The following WDHD1 variants were observed in gnomAD, a reference collection of about 807,000 sequenced individuals.
WDHD1 encodes WD repeat and HMG-box DNA-binding protein 1.
In WDHD1, 111 loss-of-function variants were observed where a neutral mutation model predicts 135.4. That is an observed-to-expected ratio of 0.82 (90% CI 0.70 to 0.96). The LOEUF is 0.96. Among genes scored for constraint, WDHD1 ranks in the 40% least tolerant of loss-of-function variants. WDHD1 has a pLI of 0.00. For missense variants in WDHD1, 1,351 were observed against 1,336.3 expected (o/e 1.01, Z -0.17); for synonymous variants, 434 against 439.0 (o/e 0.99, Z 0.14).
intron 7 of WDHD1, among the ~76,000 whole-genome samples, chr14:55,007,063 C>G (rs1171498707): frequency 6.6e-6 from 1 of 151,658 alleles, no homozygotes; most frequent in Non-Finnish European, 1.5e-5. Flanking sequence ...CTCCTCTCTA[C>G]TAAAAATACA....
At chr14:54,991,907 G>A (rs150191927) in intron 11 of WDHD1, among the ~76,000 whole-genome samples, 102 of 152,228 alleles carry the variant, frequency 6.7e-4, no homozygotes, top group African/African-American at 1.8e-3. Flanking sequence ...TGAATGAAGT[G>A]AGCCTATCAA....
chr14:54,949,177 G>A (rs1345400505), intron 24 of WDHD1, among the ~76,000 whole-genome samples: 1 of 152,200 alleles, frequency 6.6e-6, no homozygotes, highest in African/African-American at 2.4e-5. Flanking sequence ...GTTGAGAGAA[G>A]AAGGCTTCAG....
chr14:55,018,656 C>T (rs769209845), intron 2 of WDHD1, among the ~76,000 whole-genome samples: 1 of 152,174 alleles, frequency 6.6e-6, no homozygotes, highest in Non-Finnish European at 1.5e-5. Flanking sequence ...AGTATTTACC[C>T]ATTTCAATTA....
At chr14:54,965,192 T>C (rs1003925252) in intron 18 of WDHD1, among the ~76,000 whole-genome samples, 2 of 152,258 alleles carry the variant, frequency 1.3e-5, no homozygotes, top group African/African-American at 4.8e-5. Context: ...TGTCAGTGCC[T>C]GGCATACAGC....
At chr14:54,981,512 C>G (rs369574032) in intron 16 of WDHD1, 28 bp downstream of exon 16, 4 of 1,597,776 alleles carry the variant, frequency 2.5e-6, no homozygotes, top group Non-Finnish European at 2.6e-6. Flanking sequence ...TAAAAAGAGT[C>G]AACTTTAGAC....
In WDHD1 at chr14:54,957,743, T is replaced by C; in HGVS notation, c.2702-108A>G. The C allele has an allele frequency of 4.3e-6, 4 of 937,262 alleles. No homozygotes were observed. The South Asian group carries it at 7.6e-5, about 18-fold the overall frequency. The allele number at this position is 937,262 out of a possible 1,614,324, so 58.1% of individuals were successfully genotyped here. ...AATCCCCATTAAATGAAAACAAATG[T>C]ATTTTGCAACTTTTCAAAACTATTA... On this transcript the variant is annotated intron_variant, in intron 21 of 25. Coordinates refer to ENST00000360586, the MANE Select transcript of WDHD1 (RefSeq NM_007086.4).
At chr14:54,981,920 C>A (rs935335007) in intron 15 of WDHD1, among the ~76,000 whole-genome samples, 12 of 151,918 alleles carry the variant, frequency 7.9e-5, no homozygotes, top group Non-Finnish European at 2.9e-5. Flanking sequence ...CTAAAATTTA[C>A]ACAAATAAAG....
intron 2 of WDHD1, among the ~76,000 whole-genome samples, chr14:55,017,731 T>C (rs533933123): frequency 1.4e-4 from 22 of 152,338 alleles, no homozygotes; most frequent in African/African-American, 5.1e-4. Flanking sequence ...TCTATCCAAA[T>C]GAGCTGCAAG....
intron 10 of WDHD1, among the ~76,000 whole-genome samples, chr14:54,998,128 G>A (rs113041954): frequency 1.6e-4 from 24 of 151,600 alleles, no homozygotes; most frequent in East Asian, 1.4e-3. Flanking sequence ...CAGGAGAATC[G>A]CTTCAACCCA....
intron 7 of WDHD1, 45 bp downstream of exon 7, chr14:55,007,235 A>AT: frequency 1.5e-6 from 2 of 1,339,954 alleles, no homozygotes; most frequent in Non-Finnish European, 2.0e-6. Flanking sequence ...CTCTAATAAA[A>AT]AAAAAAAAAA....
chr14:54,967,857 G>A (rs1482895036), intron 16 of WDHD1, among the ~76,000 whole-genome samples: 2 of 152,166 alleles, frequency 1.3e-5, no homozygotes, highest in African/African-American at 4.8e-5. Flanking sequence ...CTGGGCTAAA[G>A]TGTGCCTCCC....
intron 17 of WDHD1, 119 bp from the exon 18 acceptor site, chr14:54,966,725 A>G (rs945850110): frequency 1.5e-5 from 17 of 1,132,616 alleles, no homozygotes; most frequent in Non-Finnish European, 1.8e-5. Context: ...CTTCCTTTCT[A>G]TAAGTTTATT....
intron 24 of WDHD1, among the ~76,000 whole-genome samples, chr14:54,948,412 C>G (rs769947401): frequency 6.6e-6 from 1 of 152,236 alleles, no homozygotes; most frequent in Non-Finnish European, 1.5e-5. Flanking sequence ...ATATCCCACT[C>G]CTGGCTCAGA....
chr14:55,005,694 A>T, intron 7 of WDHD1: 1 of 483,024 alleles, frequency 2.1e-6, no homozygotes, highest in South Asian at 1.8e-5. Flanking sequence ...ACATTGTGAA[A>T]GTTTCCCTTT....
chr14:54,974,890 C>A (rs1268602127), intron 16 of WDHD1, among the ~76,000 whole-genome samples: 1 of 152,138 alleles, frequency 6.6e-6, no homozygotes, highest in Non-Finnish European at 1.5e-5. Flanking sequence ...CTTGCCCCAG[C>A]CAGCAAGTTT....
chr14:54,989,152 C>G lies in WDHD1; in HGVS notation c.1402G>C (p.Val468Leu). The G allele has an allele frequency of 6.2e-7, 1 of 1,613,596 alleles. No individual in the cohort carries two copies. Among genetic ancestry groups the G allele is most frequent in the Non-Finnish European group, 8.5e-7 (1 of 1,179,704 alleles). The change falls in exon 13 of 26, where the codon GTG (valine) becomes CTG (leucine). Residue 468 changes from valine to leucine, a missense_variant. Transcript: ENST00000360586. The stretch of plus-strand genomic sequence containing the variant: ...TGTATGGAGGTATCATGGAACTCCA[C>G]ATCTATGGCATTGTCTTGCTCATCA... ...YNDEQDNAID[V>L]EFHDTSIHHA...
At chr14:54,958,800 C>A (rs1383877531) in intron 21 of WDHD1, among the ~76,000 whole-genome samples, 1 of 152,180 alleles carries the variant, frequency 6.6e-6, no homozygotes, top group Non-Finnish European at 1.5e-5. Flanking sequence ...GGCTTAAGCT[C>A]ATTTTTCTTT....
chr14:54,949,482 C>T (rs1393615572), intron 24 of WDHD1, among the ~76,000 whole-genome samples: 1 of 152,122 alleles, frequency 6.6e-6, no homozygotes, highest in African/African-American at 2.4e-5. Context: ...AACAAAGCCT[C>T]CAAGAAATAT....
chr14:54,954,213 G>A (rs891465509), intron 24 of WDHD1, among the ~76,000 whole-genome samples: 3 of 152,134 alleles, frequency 2.0e-5, no homozygotes, highest in African/African-American at 7.2e-5. Flanking sequence ...TTGAACCTGG[G>A]AGGCGGAGGT....
Sources: allele counts gnomAD v4.1 joint callset (sites outside exome capture counted in the v4.1 genomes callset), GRCh38; gene constraint gnomAD v4.1.1; transcripts MANE v1.5; gene names NCBI Gene and HGNC (gene_info 2026-07-23, HGNC 2026-07-21).